Variants in EARS2 observed in about 807,000 individuals in gnomAD.
EARS2 encodes glutamyl-tRNA synthetase 2, mitochondrial, also known as nondiscriminating glutamyl-tRNA synthetase EARS2, mitochondrial.
In EARS2, 50 loss-of-function variants were observed where a neutral mutation model predicts 54.1. That is an observed-to-expected ratio of 0.92 (90% CI 0.74 to 1.17). The LOEUF is 1.17. Ranked by LOEUF, EARS2 falls within the 50% of genes most tolerant of loss-of-function variation. EARS2 has a pLI of 0.00. For synonymous variants in EARS2, 298 were observed against 281.0 expected, an observed-to-expected ratio of 1.06 and a Z score of -0.61; for missense variants, 673 against 675.0, an observed-to-expected ratio of 1.00 and a Z score of 0.03.
Position 23,525,457 on chromosome 16 carries a change from T to C in EARS2, c.1353-78A>G, listed in dbSNP as rs986035691. On this transcript the variant is annotated intron_variant, in intron 7 of 8. Coordinates refer to ENST00000449606, the MANE Select transcript of EARS2 (RefSeq NM_001083614.2). ...TGGGAGGAAGGGCTTCAGAAGGTTA[T>C]TGATCAGCTACAGTACGAGCAGCAC... The C allele has an allele frequency of 4.8e-6, 7 of 1,472,166 alleles. No individual in the cohort carries two copies. In the African/African-American group the frequency reaches 9.9e-5, roughly 21 times the overall value. The allele number at this position is 1,472,166 out of a possible 1,614,324, so 91.2% of individuals were successfully genotyped here.
intron 7 of EARS2, among the ~76,000 whole-genome samples, chr16:23,528,659 G>A (rs1420177680): frequency 2.0e-5 from 3 of 152,222 alleles, no homozygotes; most frequent in Non-Finnish European, 2.9e-5. Context: ...CCAGCACTCT[G>A]TGAGGCTGAG....
At chr16:23,553,912 A>T (rs1965735747) in intron 1 of EARS2, among the ~76,000 whole-genome samples, 1 of 152,108 alleles carries the variant, frequency 6.6e-6, no homozygotes, top group East Asian at 1.9e-4. Context: ...AAAAAAAAAA[A>T]TCACATTTTG....
At chr16:23,555,751 C>T (rs955518334) in intron 1 of EARS2, among the ~76,000 whole-genome samples, 4 of 152,198 alleles carry the variant, frequency 2.6e-5, no homozygotes, top group African/African-American at 7.2e-5. Flanking sequence ...TGCGGTGGCA[C>T]GATCTCGGCT....
chr16:23,556,637 G>C (rs1415051520), intron 1 of EARS2: 3 of 325,268 alleles, frequency 9.2e-6, no homozygotes, highest in Non-Finnish European at 1.8e-5. Flanking sequence ...GGGATTACAA[G>C]CGTGAGCCAC....
At position 23,557,195 on chromosome 16, in the gene EARS2, C is replaced by T; in HGVS notation, c.139+10G>A. ...GCCTCGGCCTGTAGCGTCACGTCCG[C>T]CAGGGTTACCTGTGGGGCTGGGAGC... On this transcript the variant is annotated intron_variant, in intron 1 of 8. Coordinates refer to ENST00000449606, the MANE Select transcript of EARS2 (RefSeq NM_001083614.2). 6.6e-7 allele frequency: 1 copy of T among 1,508,040 alleles called. No individual in the cohort carries two copies. The highest frequency in any genetic ancestry group is 8.8e-7 in the Non-Finnish European group (1 of 1,137,558). The allele number at this position is 1,508,040 out of a possible 1,614,324, so 93.4% of individuals were successfully genotyped here.
At position 23,523,692 on chromosome 16, in the gene EARS2, T is replaced by C. The variant is rs1302348795; in HGVS notation, c.*679A>G. On this transcript the variant is annotated 3_prime_UTR_variant, in exon 9 of 9. Transcript: ENST00000449606. ...ATTCTGTCCCCCTAAATTCTTACGTTGAGAAACCCCTGGAACCTCAGAATG... is the reference window on the plus strand; with the variant it reads ...ATTCTGTCCCCCTAAATTCTTACGTCGAGAAACCCCTGGAACCTCAGAATG... 5 of 152,216 alleles carry C rather than the reference T, an allele frequency of 3.3e-5. No individual in the cohort carries two copies. Among genetic ancestry groups the C allele is most frequent in the Non-Finnish European group, 5.9e-5 (4 of 68,068 alleles). The allele number at this position is 152,216 out of a possible 1,614,324, so 9.4% of individuals were successfully genotyped here.
intron 5 of EARS2, among the ~76,000 whole-genome samples, chr16:23,530,942 A>G (rs1597010361): frequency 6.6e-6 from 1 of 150,590 alleles, no homozygotes; most frequent in Admixed American, 6.6e-5. Flanking sequence ...CCCAGGCTGG[A>G]GTGCAATGGT....
Position 23,534,908 on chromosome 16 carries a change from T to C in EARS2, c.938A>G (p.Asn313Ser). 1 of 1,582,254 alleles carries C rather than the reference T, an allele frequency of 6.3e-7. No individual in the cohort carries two copies. Among genetic ancestry groups the C allele is most frequent in the Non-Finnish European group, 8.6e-7 (1 of 1,161,118 alleles). ...LPDSLLDIIT[N>S]CGSGFAENQM... ...CGTACCTGCAAAACCTGAGCCACAG[T>C]TGGTGATGATGTCCAACAAGGAATC... Residue 313 changes from asparagine to serine, a missense_variant, in exon 4 of 9, where the codon AAC becomes AGC. Around this residue, in one of 3 missense-constraint regions of EARS2, gnomAD observed 338 missense variants for 361.2 expected, o/e 0.94. Transcript: ENST00000449606.
chr16:23,544,847 C>CT (rs964579989), intron 2 of EARS2, 144 bp from the exon 3 acceptor site: 1,323 of 733,498 alleles, frequency 1.8e-3, no homozygotes, highest in South Asian at 2.8e-3. Context: ...TCCCCGCCGC[C>CT]TTTTTTTTTG....
chr16:23,542,316 C>CTTTTTTTTTT (rs745418385), intron 3 of EARS2, among the ~76,000 whole-genome samples: 1,970 of 93,296 alleles, frequency 0.021, 9 homozygotes, highest in Non-Finnish European at 0.03. Context: ...TTTCATTTTT[C>CTTTTTTTTTT]TTTTTTTTTT....
Position 23,529,549 on chromosome 16 carries a change from C to T in EARS2, c.1305G>A (p.Leu435=), listed in dbSNP as rs1965287092. The T allele has an allele frequency of 6.2e-7, 1 of 1,614,174 alleles. No homozygotes were observed. The highest frequency in any genetic ancestry group is 8.5e-7 in the Non-Finnish European group (1 of 1,180,018). ...WTRPAVGRAQ[L]DAISEKVDVI... is the part of the protein sequence containing the mutation. ...CATCCACCTTCTCCGAGATGGCGTC[C>T]AGCTGTGCTCGACCTACTGCAGGGC... The change falls in exon 7 of 9, where the codon CTG becomes CTA. Residue 435 remains leucine (L), a synonymous_variant. Coordinates refer to ENST00000449606, the MANE Select transcript of EARS2 (RefSeq NM_001083614.2).
Position 23,557,271 on chromosome 16 carries a change from G to A in EARS2, c.73C>T (p.Arg25Cys), listed in dbSNP as rs773873306. 5.3e-6 allele frequency: 8 copies of A among 1,520,340 alleles called. No homozygotes were observed. The Admixed American group carries it at 9.1e-5, about 17-fold the overall frequency. The allele number at this position is 1,520,340 out of a possible 1,614,324, so 94.2% of individuals were successfully genotyped here. Residue 25 changes from arginine to cysteine, a missense_variant, in exon 1 of 9, where the codon CGC becomes TGC. By Grantham distance (180) the Arg-to-Cys change is radical (BLOSUM62 -3). Transcript: ENST00000449606. ...GCATCAGTGCCCAGGTTGGCCTCGC[G>A]CCGTCCTACGGGGCGGCCAGAGGCC... ...SAASGRPVGR[R>C]EANLGTDAGV...
At chr16:23,541,436 G>A (rs1274896952) in intron 3 of EARS2, among the ~76,000 whole-genome samples, 1 of 152,206 alleles carries the variant, frequency 6.6e-6, no homozygotes, top group Non-Finnish European at 1.5e-5. Flanking sequence ...GGAATATTAT[G>A]CATTATTATG....
rs561336360 is a variant in EARS2, at chr16:23,532,113, G to A, written c.1067+544C>T. ...AAGGTGTGAGCCGCCACACCCAGCCGACACTAATACCCTTTGACTCAGACA... is the reference window on the plus strand; with the variant it reads ...AAGGTGTGAGCCGCCACACCCAGCCAACACTAATACCCTTTGACTCAGACA... On this transcript the variant is annotated intron_variant, in intron 5 of 8. Coordinates refer to ENST00000449606, the MANE Select transcript of EARS2 (RefSeq NM_001083614.2). Among the ~76,000 whole-genome samples the A allele has an allele frequency of 3.5e-4, 53 of 152,236 alleles. 1 individual carries two copies. Among genetic ancestry groups the A allele is most frequent in the African/African-American group, 4.3e-4 (18 of 41,550 alleles).
At chr16:23,528,977 A>G (rs972091371) in intron 7 of EARS2, among the ~76,000 whole-genome samples, 5 of 152,222 alleles carry the variant, frequency 3.3e-5, no homozygotes, top group Non-Finnish European at 7.3e-5. Context: ...GTAGGGGCAG[A>G]AGGGGAAAGG....
intron 4 of EARS2, among the ~76,000 whole-genome samples, chr16:23,534,546 T>C (rs925712060): frequency 6.6e-6 from 1 of 152,178 alleles, no homozygotes; most frequent in Non-Finnish European, 1.5e-5. Context: ...GTGCTTACAG[T>C]GTGACAGGTG....
intron 3 of EARS2, among the ~76,000 whole-genome samples, chr16:23,541,022 A>C (rs1965503361): frequency 6.6e-6 from 1 of 151,334 alleles, no homozygotes; most frequent in Non-Finnish European, 1.5e-5. Context: ...AATAACATAA[A>C]GGTTTATTAA....
chr16:23,535,397 G>T, intron 3 of EARS2, 37 bp from the exon 4 acceptor site: 1 of 1,570,552 alleles, frequency 6.4e-7, no homozygotes, highest in South Asian at 1.1e-5. Context: ...ACTGTTGATG[G>T]AAAGGTTGAT....
chr16:23,557,073 G>T, intron 1 of EARS2, 132 bp downstream of exon 1: 1 of 1,341,854 alleles, frequency 7.5e-7, no homozygotes, highest in Non-Finnish European at 1.0e-6. Flanking sequence ...TCTGTAAAAT[G>T]GGCTCGCGCT....
Sources: allele counts gnomAD v4.1 joint callset (sites outside exome capture counted in the v4.1 genomes callset), GRCh38; gene constraint gnomAD v4.1.1; regional missense constraint gnomAD v4.1.1; transcripts MANE v1.5; gene names NCBI Gene and HGNC (gene_info 2026-07-23, HGNC 2026-07-21).